Variants in FLCN observed in about 807,000 individuals in gnomAD.
The protein encoded by FLCN is folliculin.
A neutral mutation model predicts 62.5 loss-of-function variants in FLCN; 22 were observed. The observed-to-expected ratio is 0.35, with a 90% CI of 0.25 to 0.50. The LOEUF is 0.50. FLCN is among the 20% of genes least tolerant of loss of function. The pLI is 0.97. For missense variants in FLCN, 657 were observed against 778.0 expected (o/e 0.84, Z 1.85); for synonymous variants, 319 against 310.0 (o/e 1.03, Z -0.30).
chr17:17,230,344 G>A (rs1301799324), intron 3 of FLCN, among the ~76,000 whole-genome samples: 3 of 151,896 alleles, frequency 2.0e-5, no homozygotes, highest in South Asian at 4.2e-4. Flanking sequence ...CAGCCTGGCC[G>A]ACGCAGTGAA....
chr17:17,217,011 G>A (rs2046945646), intron 10 of FLCN, 58 bp downstream of exon 10: 16 of 1,287,242 alleles, frequency 1.2e-5, no homozygotes, highest in South Asian at 3.6e-5. Flanking sequence ...CCCACCTGAC[G>A]CCAGGCACCA....
Position 17,216,660 on chromosome 17 carries a change from T to G in FLCN, c.1177-157A>C, listed in dbSNP as rs1212004121. ...CCAGACTCTCAGCCCACAGTGGGGG[T>G]GAGGGGGGAGGGTCCTCCACCACCA... On this transcript the variant is annotated intron_variant, in intron 10 of 13. Coordinates refer to ENST00000285071, the MANE Select transcript of FLCN (RefSeq NM_144997.7). This position sits in a 1 kb window ranked among gnomAD's most constrained non-coding sequence, Gnocchi z 4.0. 6.6e-6 allele frequency among the ~76,000 whole-genome samples: 1 copy of G among 151,900 alleles called. No homozygotes were observed. The highest frequency in any genetic ancestry group is 2.4e-5 in the African/African-American group (1 of 41,370).
chr17:17,232,560 T>C (rs887537313), intron 2 of FLCN, among the ~76,000 whole-genome samples: 1 of 152,096 alleles, frequency 6.6e-6, no homozygotes, highest in African/African-American at 2.4e-5. Flanking sequence ...TTCACTATGA[T>C]GAGTGGCTTA....
Position 17,213,367 on chromosome 17 carries a change from G to A in FLCN, c.*288C>T, listed in dbSNP as rs1324886664. 5.5e-6 allele frequency: 3 copies of A among 544,860 alleles called. No homozygotes were observed. The highest frequency in any genetic ancestry group is 1.9e-5 in the African/African-American group (1 of 53,058). 33.8% of individuals were successfully genotyped at this position (544,860 alleles called of 1,614,324 possible). On this transcript the variant is annotated 3_prime_UTR_variant, in exon 14 of 14. Transcript: ENST00000285071. ...GTCTAAGTCCACAAGGGGCCTGGGA[G>A]GCAAGCTGTCCTCCTAGTCGTCTCT...
At chr17:17,222,950 C>T (rs1258892302) in intron 6 of FLCN, 5 of 459,244 alleles carry the variant, frequency 1.1e-5, no homozygotes, top group Non-Finnish European at 2.0e-5. Flanking sequence ...TGGCCATCTG[C>T]GCTGCTCCCC....
intron 1 of FLCN, among the ~76,000 whole-genome samples, chr17:17,234,021 C>A (rs2047503656): frequency 6.6e-6 from 1 of 151,768 alleles, no homozygotes; most frequent in Admixed American, 6.6e-5. Flanking sequence ...CTGCATCCAG[C>A]CAAGTCCCCA....
intron 3 of FLCN, among the ~76,000 whole-genome samples, chr17:17,230,629 GGGA>G (rs2145083498): frequency 6.6e-6 from 1 of 152,206 alleles, no homozygotes; most frequent in South Asian, 2.1e-4. Flanking sequence ...GGGAGGCTGA[GGGA>G]GGAGAATCAC....
intron 13 of FLCN, among the ~76,000 whole-genome samples, chr17:17,214,380 A>G (rs1466047406): frequency 6.6e-6 from 1 of 151,910 alleles, no homozygotes; most frequent in Non-Finnish European, 1.5e-5. Flanking sequence ...CGGATCACGA[A>G]GTCAGGAGTT....
chr17:17,231,790 C>T lies in FLCN; in HGVS notation c.-25+4G>A, dbSNP rs1028557704. ...TTCAGCATGCCTGCGAATGCACCAC[C>T]CACCTGACGTTTCTGCAGTTGGCTG... On this transcript the variant is annotated splice_donor_region_variant and intron_variant, in intron 3 of 13. Transcript: ENST00000285071. 1 of 152,380 alleles carries T rather than the reference C, an allele frequency of 6.6e-6. No homozygotes were observed. The highest frequency in any genetic ancestry group is 2.4e-5 in the African/African-American group (1 of 41,462). The allele number at this position is 152,380 out of a possible 1,614,324, so 9.4% of individuals were successfully genotyped here. A position where few individuals can be genotyped will look rare whatever the true frequency, so the allele number is the denominator to read the frequency against.
chr17:17,227,785 CA>C, intron 4 of FLCN, 103 bp downstream of exon 4: 1 of 1,508,392 alleles, frequency 6.6e-7, no homozygotes, highest in African/African-American at 1.4e-5. Context: ...CCCTGAGAAG[CA>C]GTCTGTGTCA....
chr17:17,220,861 C>A (rs774066839), intron 8 of FLCN: 4 of 234,186 alleles, frequency 1.7e-5, no homozygotes, highest in South Asian at 6.0e-5. Context: ...CACGCCTGCA[C>A]CTGCCTGCAG....
At chr17:17,220,848 G>C (rs190623596) in intron 8 of FLCN, 129 of 207,512 alleles carry the variant, frequency 6.2e-4, no homozygotes, top group Middle Eastern at 5.9e-3. Flanking sequence ...GCTTATTTGA[G>C]GGCACGCCTG....
rs777336970 is a variant in FLCN, at chr17:17,226,264, G to T, written c.308C>A (p.Ser103Tyr). The stretch of plus-strand genomic sequence containing the variant: ...GTGCTGGTGGCTGACGTATTTAATG[G>T]AGGTCTCTTTATCATGGCTGATATA... ...PGYISHDKETSIKYVSHQHPS... is the reference protein window; with the variant it reads ...PGYISHDKETYIKYVSHQHPS... The change falls in exon 5 of 14, where the codon TCC (serine) becomes TAC (tyrosine). Residue 103 changes from serine to tyrosine, a missense_variant. Coordinates refer to ENST00000285071, the MANE Select transcript of FLCN (RefSeq NM_144997.7). 2 of 1,614,192 alleles carry T rather than the reference G, an allele frequency of 1.2e-6. No homozygotes were observed. Among genetic ancestry groups the T allele is most frequent in the South Asian group, 2.2e-5 (2 of 91,088 alleles).
chr17:17,213,542 G>A lies in FLCN; in HGVS notation c.*113C>T, dbSNP rs1597573154. On this transcript the variant is annotated 3_prime_UTR_variant, in exon 14 of 14. Transcript: ENST00000285071. ...CCAGCCCTGATGGTTTCCCTTCCTT[G>A]CTGGGACACAGCTCCTTCCAGCAGT... 6.9e-7 allele frequency: 1 copy of A among 1,441,846 alleles called. No individual in the cohort carries two copies. The highest frequency in any genetic ancestry group is 1.4e-5 in the African/African-American group (1 of 71,630). The allele number at this position is 1,441,846 out of a possible 1,614,324, so 89.3% of individuals were successfully genotyped here. A position where few individuals can be genotyped will look rare whatever the true frequency, so the allele number is the denominator to read the frequency against.
chr17:17,226,653 A>G (rs567329457), intron 4 of FLCN, among the ~76,000 whole-genome samples: 1 of 152,298 alleles, frequency 6.6e-6, no homozygotes, highest in East Asian at 1.9e-4. Flanking sequence ...ATTCTACAGA[A>G]GACAAAACTG....
chr17:17,231,064 G>A (rs1189075549), intron 3 of FLCN, among the ~76,000 whole-genome samples: 1 of 152,028 alleles, frequency 6.6e-6, no homozygotes, highest in Non-Finnish European at 1.5e-5. Context: ...GCCAGGCATG[G>A]TGGCGCACAC....
At chr17:17,214,152 A>G (rs1053129191) in intron 13 of FLCN, among the ~76,000 whole-genome samples, 1 of 152,024 alleles carries the variant, frequency 6.6e-6, no homozygotes, top group Admixed American at 6.5e-5. Context: ...GAAGAAAGAA[A>G]AACCTTCCTT....
chr17:17,214,843 C>CGGACG (rs907588543), intron 13 of FLCN, 142 bp downstream of exon 13: 167 of 849,734 alleles, frequency 2.0e-4, no homozygotes, highest in Non-Finnish European at 3.0e-4. Context: ...TTTGCAGTGG[C>CGGACG]GGACGTGGAG....
chr17:17,235,109 C>CAA (rs34695824), intron 1 of FLCN, among the ~76,000 whole-genome samples: 7 of 70,586 alleles, frequency 9.9e-5, no homozygotes, highest in Middle Eastern at 0.01. Context: ...GACTCCATTT[C>CAA]AAAAAAAAAA....
Sources: gnomAD v4.1 joint callset for allele counts (sites outside exome capture counted in the v4.1 genomes callset) on GRCh38, gnomAD v4.1.1 for gene constraint, Gnocchi (gnomAD v3.1) non-coding constraint, MANE v1.5 for transcripts, NCBI Gene and HGNC (gene_info 2026-07-23, HGNC 2026-07-21) for gene names.